PLOD3: variants seen among roughly 807,000 people sequenced by gnomAD.
PLOD3 encodes procollagen-lysine,2-oxoglutarate 5-dioxygenase 3, also known as multifunctional procollagen lysine hydroxylase and glycosyltransferase LH3.
In PLOD3, 73 loss-of-function variants were observed where a neutral mutation model predicts 96.9. That is an observed-to-expected ratio of 0.75 (90% CI 0.62 to 0.92). The LOEUF (loss-of-function observed/expected upper bound fraction) is 0.92. Among genes scored for constraint, PLOD3 ranks in the 40% least tolerant of loss-of-function variants. The pLI is 0.00. For synonymous variants in PLOD3, 454 were observed against 413.7 expected, an observed-to-expected ratio of 1.10 and a Z score of -1.18; for missense variants, 1,004 against 1,004.3, an observed-to-expected ratio of 1.00 and a Z score of 0.00.
chr7:101,207,551 G>C (rs1376669363), intron 17 of PLOD3, 27 bp downstream of exon 17: 1 of 1,609,992 alleles, frequency 6.2e-7, no homozygotes, highest in Non-Finnish European at 8.5e-7. Context: ...GGAAGGTGGG[G>C]AGGCAGCTGG....
chr7:101,212,343 G>A lies in PLOD3; in HGVS notation c.1037C>T (p.Ser346Phe), dbSNP rs150001477. 4.8e-4 allele frequency: 779 copies of A among 1,613,908 alleles called. 1 individual carries two copies. The highest frequency in any genetic ancestry group is 1.1e-3 in the South Asian group (99 of 91,072). The change falls in exon 10 of 19, where the codon TCC (serine) becomes TTC (phenylalanine). Residue 346 changes from serine to phenylalanine, a missense_variant. By Grantham distance (155) the Ser-to-Phe change is radical. Transcript: ENST00000223127. The stretch of plus-strand genomic sequence containing the variant: ...GAAGTGGTCCTGGAGCTGCGGCCAG[G>A]AGTCAGCGATGTGGGGTTCATGGAA... ...EVFHEPHIAD[S>F]WPQLQDHFSA... is the part of the protein sequence containing the mutation.
rs186997109 is a variant in PLOD3, at chr7:101,210,693, G to A, written c.1359-20C>T. 12 of 1,612,830 alleles carry A rather than the reference G, an allele frequency of 7.4e-6. No individual in the cohort carries two copies. In the Admixed American group the frequency reaches 1.3e-4, roughly 18 times the overall value. ...ACACCCCTGGAGGCACCGACACCGC[G>A]GTCAGCTGGGAGGACAGCCCCCCAA... On this transcript the variant is annotated intron_variant, in intron 12 of 18. Coordinates refer to ENST00000223127, the MANE Select transcript of PLOD3 (RefSeq NM_001084.5).
chr7:101,206,688 G>C, intron 18 of PLOD3, 91 bp downstream of exon 18: 2 of 1,401,830 alleles, frequency 1.4e-6, no homozygotes, highest in South Asian at 2.5e-5. Flanking sequence ...AATGGGCAGG[G>C]AGGGGAGCTG....
intron 7 of PLOD3, 74 bp from the exon 8 acceptor site, chr7:101,213,017 G>C (rs1798211398): frequency 7.2e-6 from 10 of 1,394,292 alleles, no homozygotes; most frequent in Admixed American, 3.4e-5. Context: ...CCTCTGATAT[G>C]GGGGCTGGGA....
At chr7:101,209,385 CTTT>C (rs561562370) in intron 15 of PLOD3, among the ~76,000 whole-genome samples, 1 of 147,322 alleles carries the variant, frequency 6.8e-6, no homozygotes, top group Admixed American at 6.8e-5. Flanking sequence ...TTTTTCTTTT[CTTT>C]TTTTTTTGAG....
chr7:101,210,119 G>T lies in PLOD3; in HGVS notation c.1657C>A (p.Leu553Met). 1 of 1,605,102 alleles carries T rather than the reference G, an allele frequency of 6.2e-7. No homozygotes were observed. Among genetic ancestry groups the T allele is most frequent in the Admixed American group, 1.7e-5 (1 of 58,576 alleles). Reference protein sequence around the residue: ...QYIHENYSRALEGEGIVEQPC... With the variant: ...QYIHENYSRAMEGEGIVEQPC... The stretch of plus-strand genomic sequence containing the variant: ...TGCTCCACGATTCCTTCCCCTTCCA[G>T]GGCCCGGCTGTAGTTCTCGTGGATG... The change falls in exon 15 of 19, where the codon CTG becomes ATG. Residue 553 changes from leucine to methionine, a missense_variant. Leu to Met is a conservative substitution (Grantham distance 15). This residue lies in a region of PLOD3 where 65 missense variants were observed against 68.8 expected (regional missense o/e 0.94). Coordinates refer to ENST00000223127, the MANE Select transcript of PLOD3 (RefSeq NM_001084.5).
chr7:101,217,382 C>G lies in PLOD3; in HGVS notation c.-108G>C. 1 of 1,144,970 alleles carries G rather than the reference C, an allele frequency of 8.7e-7. No homozygotes were observed. The highest frequency in any genetic ancestry group is 1.1e-6 in the Non-Finnish European group (1 of 881,444). The allele number at this position is 1,144,970 out of a possible 1,614,324, so 70.9% of individuals were successfully genotyped here. ...GAAAGGGGGCGCTCGGGCTGCTGTGCGGCCGCCGCGGGGAGCAGCTTGGCT... is the reference window on the plus strand; with the variant it reads ...GAAAGGGGGCGCTCGGGCTGCTGTGGGGCCGCCGCGGGGAGCAGCTTGGCT... On this transcript the variant is annotated 5_prime_UTR_variant, in exon 1 of 19. Coordinates refer to ENST00000223127, the MANE Select transcript of PLOD3 (RefSeq NM_001084.5).
rs186997109 is a variant in PLOD3, at chr7:101,210,693, G to C, written c.1359-20C>G. ...ACACCCCTGGAGGCACCGACACCGC[G>C]GTCAGCTGGGAGGACAGCCCCCCAA... On this transcript the variant is annotated intron_variant, in intron 12 of 18. Coordinates refer to ENST00000223127, the MANE Select transcript of PLOD3 (RefSeq NM_001084.5). 528 of 1,612,948 alleles carry C rather than the reference G, an allele frequency of 3.3e-4. No individual in the cohort carries two copies. Among genetic ancestry groups the C allele is most frequent in the Non-Finnish European group, 3.6e-4 (429 of 1,179,586 alleles).
Position 101,210,543 on chromosome 7 carries a change from A to C in PLOD3, c.1489T>G (p.Phe497Val). The C allele has an allele frequency of 6.2e-7, 1 of 1,614,166 alleles. No homozygotes were observed. The highest frequency in any genetic ancestry group is 8.5e-7 in the Non-Finnish European group (1 of 1,180,030). The stretch of plus-strand genomic sequence containing the variant: ...GCACCCGCGCTCACCTTGTCTCGAA[A>C]GCTCTTACAGAAGGCCATGTCCGGG... ...TDPDMAFCKS[F>V]RDKGIFLHLS... The change falls in exon 13 of 19, where the codon TTT becomes GTT. Residue 497 changes from phenylalanine to valine, a missense_variant. By Grantham distance (50) the Phe-to-Val change is conservative. Transcript: ENST00000223127.
intron 18 of PLOD3, 81 bp downstream of exon 18, chr7:101,206,697 TG>T: frequency 6.9e-7 from 1 of 1,446,664 alleles, no homozygotes; most frequent in Non-Finnish European, 9.5e-7. Flanking sequence ...GGAGGGGAGC[TG>T]GGGGATGCAC....
chr7:101,212,665 G>T lies in PLOD3; in HGVS notation c.880-10C>A. 6.2e-7 allele frequency: 1 copy of T among 1,613,536 alleles called. No homozygotes were observed. The highest frequency in any genetic ancestry group is 8.5e-7 in the Non-Finnish European group (1 of 1,179,928). The stretch of plus-strand genomic sequence containing the variant: ...ACACCCGGGGGGGAGGCTGGAAGAT[G>T]CAACACGCAGGGACTCAGAGAGAAG... On this transcript the variant is annotated splice_polypyrimidine_tract_variant and intron_variant, in intron 8 of 18. Transcript: ENST00000223127.
In PLOD3 at chr7:101,210,683, C is replaced by A. The variant is rs745454413; in HGVS notation, c.1359-10G>T. Reference sequence around the variant, plus strand: ...TACATTCCACACACCCCTGGAGGCACCGACACCGCGGTCAGCTGGGAGGAC... The same window carrying A: ...TACATTCCACACACCCCTGGAGGCAACGACACCGCGGTCAGCTGGGAGGAC... On this transcript the variant is annotated splice_polypyrimidine_tract_variant and intron_variant, in intron 12 of 18. Transcript: ENST00000223127. 3.7e-6 allele frequency: 6 copies of A among 1,613,374 alleles called. No individual in the cohort carries two copies. The highest frequency in any genetic ancestry group is 5.1e-6 in the Non-Finnish European group (6 of 1,179,690).
chr7:101,213,518 TTTTA>T, intron 6 of PLOD3: 23 of 325,780 alleles, frequency 7.1e-5, no homozygotes, highest in East Asian at 2.8e-4. Flanking sequence ...TTTTTTTTTT[TTTTA>T]TTTTTATTTT....
chr7:101,210,138 G>A lies in PLOD3; in HGVS notation c.1638C>T (p.His546=), dbSNP rs955275044. Residue 546 remains histidine, a synonymous_variant, in exon 15 of 19, where the codon CAC becomes CAT. Transcript: ENST00000223127. ...CTTCCAGGGCCCGGCTGTAGTTCTC[G>A]TGGATGTACTGCTCCTTCCAGTCCT... ...NPVDWKEQYI[H]ENYSRALEGE... is the part of the protein sequence containing the mutation. 5.0e-6 allele frequency: 8 copies of A among 1,607,930 alleles called. No homozygotes were observed. Among genetic ancestry groups the A allele is most frequent in the African/African-American group, 2.7e-5 (2 of 75,004 alleles).
intron 1 of PLOD3, 163 bp from the exon 2 acceptor site, chr7:101,216,949 T>C (rs1396696823): frequency 2.7e-6 from 2 of 742,988 alleles, no homozygotes; most frequent in African/African-American, 3.5e-5. Context: ...AGGGTGGGAG[T>C]GGTGCCCAGG....
chr7:101,217,405 G>T lies in PLOD3; in HGVS notation c.-131C>A. The T allele has an allele frequency of 3.3e-6, 3 of 911,842 alleles. No homozygotes were observed. Among genetic ancestry groups the T allele is most frequent in the Non-Finnish European group, 4.5e-6 (3 of 668,450 alleles). 56.5% of individuals were successfully genotyped at this position (911,842 alleles called of 1,614,324 possible). On this transcript the variant is annotated 5_prime_UTR_variant, in exon 1 of 19. Transcript: ENST00000223127. Reference sequence around the variant, plus strand: ...TGCGGCCGCCGCGGGGAGCAGCTTGGCTGGGGCTACGCCCTGAAAAAAAGG... The same window carrying T: ...TGCGGCCGCCGCGGGGAGCAGCTTGTCTGGGGCTACGCCCTGAAAAAAAGG...
chr7:101,206,584 G>A, intron 18 of PLOD3, 148 bp from the exon 19 acceptor site: 2 of 997,930 alleles, frequency 2.0e-6, no homozygotes, highest in Non-Finnish European at 3.1e-6. Context: ...AGACACCGGA[G>A]GCTGGGGTGC....
rs1199165242 is a variant in PLOD3, at chr7:101,210,520, A to ACCCGCG, written c.1500+6_1500+11dup. ...GGACTGCCCCCAGGCCAGACCGTGC[A>ACCCGCG]CCCGCGCTCACCTTGTCTCGAAAGC... On this transcript the variant is annotated intron_variant, in intron 13 of 18. Coordinates refer to ENST00000223127, the MANE Select transcript of PLOD3 (RefSeq NM_001084.5). 1.2e-6 allele frequency: 2 copies of ACCCGCG among 1,614,060 alleles called. No individual in the cohort carries two copies. Among genetic ancestry groups the ACCCGCG allele is most frequent in the South Asian group, 2.2e-5 (2 of 91,088 alleles).
intron 8 of PLOD3, 54 bp from the exon 9 acceptor site, chr7:101,212,709 C>T (rs781111022): frequency 6.2e-7 from 1 of 1,609,060 alleles, no homozygotes; most frequent in Admixed American, 1.7e-5. Flanking sequence ...TCCCTGCTGC[C>T]CCCACCCAAC....
Sources: allele counts gnomAD v4.1 joint callset (sites outside exome capture counted in the v4.1 genomes callset), GRCh38; gene constraint gnomAD v4.1.1; regional missense constraint gnomAD v4.1.1; transcripts MANE v1.5; gene names NCBI Gene and HGNC (gene_info 2026-07-23, HGNC 2026-07-21).